Variants in SCARB1 observed in about 807,000 individuals in gnomAD.
SCARB1 encodes the protein scavenger receptor class B member 1, also known as CD36 and LIMPII analogous 1.
In SCARB1, 30 loss-of-function variants were observed where a neutral mutation model predicts 57.2. That is an observed-to-expected ratio of 0.52 (90% CI 0.39 to 0.71). The LOEUF (loss-of-function observed/expected upper bound fraction) is 0.71. Among genes scored for constraint, SCARB1 ranks in the 30% least tolerant of loss-of-function variants. The pLI, the probability that SCARB1 is intolerant of heterozygous loss-of-function variation, is 0.00. For synonymous variants in SCARB1, 249 were observed against 268.3 expected, an observed-to-expected ratio of 0.93 and a Z score of 0.70; for missense variants, 543 against 671.2, an observed-to-expected ratio of 0.81 and a Z score of 2.11.
chr12:124,800,049 T>C lies in SCARB1; in HGVS notation c.1128+75A>G. ...CCCCAGCCCACAGCAGCTCTCTGCC[T>C]GGGGAGAGAGGAGGCAGCCAGGTGT... On this transcript the variant is annotated intron_variant, in intron 8 of 12. Transcript: ENST00000261693. The surrounding 1 kb of genome is among the most constrained non-coding windows in gnomAD (Gnocchi z 4.8). 1.8e-6 allele frequency: 2 copies of C among 1,118,318 alleles called. No individual in the cohort carries two copies. Among genetic ancestry groups the C allele is most frequent in the Non-Finnish European group, 2.7e-6 (2 of 730,978 alleles). 69.3% of individuals were successfully genotyped at this position (1,118,318 alleles called of 1,614,324 possible). A position where few individuals can be genotyped will look rare whatever the true frequency, so the allele number is the denominator to read the frequency against.
chr12:124,778,787 C>T (rs1245513864), intron 12 of SCARB1, among the ~76,000 whole-genome samples: 3 of 152,056 alleles, frequency 2.0e-5, no homozygotes, highest in African/African-American at 2.4e-5. Flanking sequence ...ACTCAACACC[C>T]GCCTGGCCTC....
intron 1 of SCARB1, among the ~76,000 whole-genome samples, chr12:124,849,893 G>A (rs1389241728): frequency 1.6e-5 from 1 of 63,952 alleles, no homozygotes; most frequent in East Asian, 3.0e-4. Context: ...CAAGACCCCT[G>A]TCTCTACAAA....
intron 1 of SCARB1, among the ~76,000 whole-genome samples, chr12:124,857,488 G>A (rs1952689489): frequency 1.3e-5 from 2 of 152,150 alleles, no homozygotes; most frequent in South Asian, 4.1e-4. Context: ...TCTGGCTGAG[G>A]GAGGCAGGGG....
intron 1 of SCARB1, among the ~76,000 whole-genome samples, chr12:124,857,528 G>C (rs940825233): frequency 6.6e-6 from 1 of 152,120 alleles, no homozygotes; most frequent in African/African-American, 2.4e-5. Flanking sequence ...CCAGGGCTGG[G>C]GGTCGCGCCC....
At chr12:124,815,252 C>T (rs753523259) in intron 2 of SCARB1, 138 bp from the exon 3 acceptor site, 4 of 998,128 alleles carry the variant, frequency 4.0e-6, no homozygotes, top group Non-Finnish European at 6.1e-6. Flanking sequence ...CAAAGCTGAG[C>T]TCGGCCCCTT....
In SCARB1 at chr12:124,863,638, A is replaced by G. The variant is rs77554031; in HGVS notation, c.83T>C (p.Met28Thr). 170 of 1,598,944 alleles carry G rather than the reference A, an allele frequency of 1.1e-4. No individual in the cohort carries two copies. The highest frequency in any genetic ancestry group is 1.0e-4 in the Admixed American group (6 of 58,758). Residue 28 changes from methionine to threonine, a missense_variant, in exon 1 of 13, where the codon ATG becomes ACG. Physicochemically the swap from Met to Thr is moderately conservative, Grantham distance 81. Coordinates refer to ENST00000261693, the MANE Select transcript of SCARB1 (RefSeq NM_005505.5). ...GATGAGCGACGGCACCATCACGATC[A>G]TGACAGCGCCCAGCACAGCGCACAG... Reference protein sequence around the residue: ...GLLCAVLGAVMIVMVPSLIKQ... With the variant: ...GLLCAVLGAVTIVMVPSLIKQ...
intron 1 of SCARB1, among the ~76,000 whole-genome samples, chr12:124,858,478 G>A (rs939011327): frequency 2.6e-5 from 4 of 152,086 alleles, no homozygotes; most frequent in African/African-American, 7.2e-5. Context: ...AAGCAACCTC[G>A]ACCACAGGGC....
chr12:124,787,509 T>C, intron 9 of SCARB1, 52 bp from the exon 10 acceptor site: 4 of 1,527,850 alleles, frequency 2.6e-6, no homozygotes, highest in Non-Finnish European at 3.6e-6. Flanking sequence ...CACCCAAACT[T>C]GATCTAATTC....
At chr12:124,845,965 T>C (rs1047349339) in intron 1 of SCARB1, among the ~76,000 whole-genome samples, 3 of 151,774 alleles carry the variant, frequency 2.0e-5, no homozygotes, top group Admixed American at 1.3e-4. Context: ...TGAGCCAAGA[T>C]TGCACCACTG....
In SCARB1 at chr12:124,800,264, G is replaced by A; in HGVS notation, c.1010-22C>T. 1 of 1,558,362 alleles carries A rather than the reference G, an allele frequency of 6.4e-7. No individual in the cohort carries two copies. Among genetic ancestry groups the A allele is most frequent in the Non-Finnish European group, 8.8e-7 (1 of 1,130,292 alleles). On this transcript the variant is annotated intron_variant, in intron 7 of 12. Coordinates refer to ENST00000261693, the MANE Select transcript of SCARB1 (RefSeq NM_005505.5). This position sits in a 1 kb window ranked among gnomAD's most constrained non-coding sequence, Gnocchi z 4.8. ...GCACCTAGAAGAGGGGCAGGGAGGG[G>A]ACATCAGACAAGGACAGTATATTGG...
intron 8 of SCARB1, among the ~76,000 whole-genome samples, chr12:124,799,013 A>G (rs778935381): frequency 3.9e-5 from 6 of 152,172 alleles, no homozygotes; most frequent in Non-Finnish European, 8.8e-5. Flanking sequence ...GTATTGTACT[A>G]TACAATACAA....
At chr12:124,859,341 C>T (rs1460654087) in intron 1 of SCARB1, among the ~76,000 whole-genome samples, 1 of 152,074 alleles carries the variant, frequency 6.6e-6, no homozygotes, top group African/African-American at 2.4e-5. Context: ...TCCCGGCTAA[C>T]ACGGTGAAAC....
At chr12:124,798,953 CAG>C (rs1055279379) in intron 8 of SCARB1, among the ~76,000 whole-genome samples, 16 of 151,734 alleles carry the variant, frequency 1.1e-4, no homozygotes, top group African/African-American at 3.6e-4. Flanking sequence ...TTCAGTTAGA[CAG>C]GGGGAGTAAG....
intron 1 of SCARB1, among the ~76,000 whole-genome samples, chr12:124,829,037 G>C (rs1350235236): frequency 6.6e-6 from 1 of 152,146 alleles, no homozygotes; most frequent in Non-Finnish European, 1.5e-5. Context: ...ATCCAATCTG[G>C]GACTTGGGAA....
intron 7 of SCARB1, among the ~76,000 whole-genome samples, chr12:124,805,901 G>A (rs1057044655): frequency 3.3e-5 from 5 of 151,900 alleles, no homozygotes; most frequent in African/African-American, 7.3e-5. Flanking sequence ...CGCTGCTGTC[G>A]GGAGTGCTAC....
Position 124,817,365 on chromosome 12 carries a change from A to AC in SCARB1, c.284+184_284+185insG. Among the ~76,000 whole-genome samples, 1 of 150,912 alleles carries AC rather than the reference A, an allele frequency of 6.6e-6. No individual in the cohort carries two copies. The highest frequency in any genetic ancestry group is 1.9e-4 in the East Asian group (1 of 5,152). ...AAGATCCCATCTCTAAAAAAAAAAA[A>AC]AAAAAAAAAAAAAACCCTAAAACAA... is the stretch of plus-strand genomic sequence containing the variant. On this transcript the variant is annotated intron_variant, in intron 2 of 12. Coordinates refer to ENST00000261693, the MANE Select transcript of SCARB1 (RefSeq NM_005505.5). This position sits in a 1 kb window ranked among gnomAD's most constrained non-coding sequence, Gnocchi z 4.8.
intron 1 of SCARB1, among the ~76,000 whole-genome samples, chr12:124,845,457 C>T (rs931051611): frequency 6.7e-6 from 1 of 149,468 alleles, no homozygotes; most frequent in Non-Finnish European, 1.5e-5. Context: ...CACTTTGGGA[C>T]CGAGGCAGGT....
chr12:124,861,534 A>G (rs886245204), intron 1 of SCARB1, among the ~76,000 whole-genome samples: 1 of 152,156 alleles, frequency 6.6e-6, no homozygotes, highest in Non-Finnish European at 1.5e-5. Context: ...AGACTCATGT[A>G]GCCAAAGAAA....
chr12:124,811,805 C>G (rs1950538757), intron 5 of SCARB1, 65 bp downstream of exon 5: 9 of 1,109,936 alleles, frequency 8.1e-6, no homozygotes, highest in Non-Finnish European at 5.4e-6. Flanking sequence ...CACTCCCGAG[C>G]AGCCATGGCC....
Sources: allele counts gnomAD v4.1 joint callset (sites outside exome capture counted in the v4.1 genomes callset), GRCh38; gene constraint gnomAD v4.1.1; non-coding constraint Gnocchi (gnomAD v3.1); transcripts MANE v1.5; gene names NCBI Gene and HGNC (gene_info 2026-07-23, HGNC 2026-07-21).